CCDC191: variants seen among roughly 807,000 people sequenced by gnomAD.
The protein encoded by CCDC191 is coiled-coil domain containing 191, also known as coiled-coil domain-containing protein 191.
In CCDC191, 99 loss-of-function variants were observed where a neutral mutation model predicts 114.0. The observed-to-expected ratio is 0.87, with a 90% CI of 0.74 to 1.03. The LOEUF is 1.03. CCDC191 is among the 50% of genes least tolerant of loss of function. The pLI, the probability that CCDC191 is intolerant of heterozygous loss-of-function variation, is 0.00. For missense variants in CCDC191, 973 were observed against 1,087.0 expected (o/e 0.90, Z 1.47); for synonymous variants, 351 against 376.0 (o/e 0.93, Z 0.77).
chr3:114,022,200 G>A (rs915536631), intron 7 of CCDC191, among the ~76,000 whole-genome samples: 14 of 152,032 alleles, frequency 9.2e-5, no homozygotes, highest in Admixed American at 9.2e-4. Context: ...ATGACAGCTC[G>A]CTCTGCTAAA....
intron 6 of CCDC191, 61 bp from the exon 7 acceptor site, chr3:114,031,840 C>A: frequency 1.3e-6 from 1 of 753,418 alleles, no homozygotes; most frequent in Non-Finnish European, 2.2e-6. Flanking sequence ...TGAGCAATTA[C>A]AACCTACTGT....
Position 114,034,797 on chromosome 3 carries a change from G to C in CCDC191, c.818+128C>G. ...TGAAATTAGTTAATTTGTTAAGATG[G>C]TGGAATAGTGAGTGATTTCTCTTCT... is the stretch of plus-strand genomic sequence containing the variant. On this transcript the variant is annotated intron_variant, in intron 6 of 16. Transcript: ENST00000295878. 3.9e-6 allele frequency: 3 copies of C among 770,310 alleles called. No homozygotes were observed. The Admixed American group carries it at 7.1e-5, about 18-fold the overall frequency. 47.7% of individuals were successfully genotyped at this position (770,310 alleles called of 1,614,324 possible). A position where few individuals can be genotyped will look rare whatever the true frequency, so the allele number is the denominator to read the frequency against.
intron 3 of CCDC191, among the ~76,000 whole-genome samples, chr3:114,043,455 C>G (rs1054173779): frequency 6.6e-6 from 1 of 152,138 alleles, no homozygotes; most frequent in Non-Finnish European, 1.5e-5. Flanking sequence ...ACTGGGGAAG[C>G]AATACTACTG....
chr3:114,053,484 G>T, intron 2 of CCDC191, 113 bp downstream of exon 2: 1 of 510,174 alleles, frequency 2.0e-6, no homozygotes, highest in South Asian at 4.6e-5. Context: ...ATAGTCACAC[G>T]GGAATAAAAA....
chr3:113,990,804 A>C (rs762092876), intron 13 of CCDC191, among the ~76,000 whole-genome samples: 5 of 151,300 alleles, frequency 3.3e-5, no homozygotes, highest in Non-Finnish European at 7.4e-5. Flanking sequence ...ACATAATATA[A>C]AAAAAAGGAA....
chr3:114,010,745 G>A, intron 9 of CCDC191, 27 bp downstream of exon 9: 2 of 1,575,584 alleles, frequency 1.3e-6, no homozygotes, highest in Non-Finnish European at 1.7e-6. Context: ...AAATGCAAGT[G>A]TTTACTAAGC....
chr3:114,005,572 C>A lies in CCDC191; in HGVS notation c.1804G>T (p.Ala602Ser). ...AAEHALAVTE[A>S]QSHLLSKPRE... ...GGCTTTGACAGCAGGTGGCTCTGTG[C>A]TTCTGTGACTGCTAAGGCATGCTCT... Residue 602 changes from alanine to serine, a missense_variant, in exon 10 of 17, where the codon GCA (alanine) becomes TCA (serine). By Grantham distance (99) the Ala-to-Ser change is moderately conservative. Coordinates refer to ENST00000295878, the MANE Select transcript of CCDC191 (RefSeq NM_020817.2). 6.2e-7 allele frequency: 1 copy of A among 1,614,096 alleles called. No homozygotes were observed.
intron 2 of CCDC191, among the ~76,000 whole-genome samples, chr3:114,048,419 C>A (rs2076658844): frequency 1.3e-5 from 2 of 152,200 alleles, no homozygotes; most frequent in South Asian, 4.1e-4. Flanking sequence ...GCTTCCAGGT[C>A]CTGCCACGCA....
chr3:114,041,383 C>G (rs1167394802), intron 4 of CCDC191, among the ~76,000 whole-genome samples: 1 of 152,126 alleles, frequency 6.6e-6, no homozygotes, highest in African/African-American at 2.4e-5. Context: ...ATAAAACGTT[C>G]TTGAGAGAGA....
chr3:114,011,089 G>T, intron 8 of CCDC191, 68 bp from the exon 9 acceptor site: 1 of 1,495,968 alleles, frequency 6.7e-7, no homozygotes, highest in South Asian at 1.3e-5. Flanking sequence ...TAATATAAAT[G>T]AAACATAAGT....
chr3:114,030,819 C>T (rs994065468), intron 7 of CCDC191, among the ~76,000 whole-genome samples: 2 of 152,156 alleles, frequency 1.3e-5, no homozygotes, highest in African/African-American at 4.8e-5. Flanking sequence ...TCTCTTTTCT[C>T]TTGCTAAATC....
At chr3:114,046,417 T>C (rs975684645) in intron 3 of CCDC191, among the ~76,000 whole-genome samples, 174 bp downstream of exon 3, 3 of 152,234 alleles carry the variant, frequency 2.0e-5, no homozygotes, top group Non-Finnish European at 4.4e-5. Flanking sequence ...GAGGCTTAAG[T>C]ATATCCTTAC....
intron 14 of CCDC191, among the ~76,000 whole-genome samples, chr3:113,979,577 T>C (rs2075066003): frequency 1.3e-5 from 2 of 152,232 alleles, no homozygotes; most frequent in South Asian, 2.1e-4. Context: ...TCAGAATTTA[T>C]AGATTTTTAA....
chr3:114,003,893 G>A, intron 11 of CCDC191: 2 of 985,350 alleles, frequency 2.0e-6, no homozygotes, highest in Non-Finnish European at 2.4e-6. Context: ...GTACAGTGAA[G>A]GACTAAGCAT....
At chr3:114,016,111 G>C (rs545471343) in intron 8 of CCDC191, among the ~76,000 whole-genome samples, 1 of 152,360 alleles carries the variant, frequency 6.6e-6, no homozygotes, top group South Asian at 2.1e-4. Flanking sequence ...AGGGGAGCTA[G>C]AGGATGAGGA....
intron 2 of CCDC191, among the ~76,000 whole-genome samples, chr3:114,051,255 C>T (rs977175876): frequency 1.5e-4 from 23 of 152,166 alleles, no homozygotes; most frequent in African/African-American, 5.6e-4. Flanking sequence ...CTAACCAAGT[C>T]TTCTAGTCAC....
At chr3:114,004,453 G>A (rs1008904863) in intron 11 of CCDC191, 184 bp downstream of exon 11, 1 of 1,174,944 alleles carries the variant, frequency 8.5e-7, no homozygotes, top group Admixed American at 4.5e-5. Flanking sequence ...AAAGGGGCAG[G>A]AAAAAAGTAG....
chr3:114,001,755 T>A, intron 12 of CCDC191, 59 bp from the exon 13 acceptor site: 1 of 1,604,126 alleles, frequency 6.2e-7, no homozygotes, highest in Admixed American at 1.7e-5. Flanking sequence ...AAATGTGATC[T>A]TTTATGTTTA....
intron 16 of CCDC191, among the ~76,000 whole-genome samples, chr3:113,976,998 G>A (rs148723551): frequency 3.4e-4 from 52 of 152,298 alleles, no homozygotes; most frequent in African/African-American, 1.3e-3. Flanking sequence ...AGGACAAACA[G>A]GTTTTGGTGG....
Sources: allele counts gnomAD v4.1 joint callset (sites outside exome capture counted in the v4.1 genomes callset), GRCh38; gene constraint gnomAD v4.1.1; transcripts MANE v1.5; gene names NCBI Gene and HGNC (gene_info 2026-07-23, HGNC 2026-07-21).